SCN8A: variants seen among roughly 807,000 people sequenced by gnomAD.
The protein encoded by SCN8A is sodium voltage-gated channel alpha subunit 8.
SCN8A carries 30 observed loss-of-function variants against 184.1 expected under a neutral mutation model. The ratio of observed to expected loss-of-function variants is 0.16; its 90% CI spans 0.12 to 0.22. The LOEUF (loss-of-function observed/expected upper bound fraction) is 0.22. Among genes scored for constraint, SCN8A ranks in the 10% least tolerant of loss-of-function variants. SCN8A has a pLI of 1.00. For synonymous variants in SCN8A, 852 were observed against 907.0 expected, an observed-to-expected ratio of 0.94 and a Z score of 1.09; for missense variants, 1,057 against 2,498.9, an observed-to-expected ratio of 0.42 and a Z score of 12.30.
intron 1 of SCN8A, among the ~76,000 whole-genome samples, chr12:51,599,229 T>C (rs1377316979): frequency 6.6e-6 from 1 of 152,198 alleles, no homozygotes; most frequent in Non-Finnish European, 1.5e-5. Flanking sequence ...ATTTATTTTG[T>C]GAAATAAGTC....
At chr12:51,763,223 AAAG>A (rs553133651) in intron 15 of SCN8A, among the ~76,000 whole-genome samples, 152 of 152,324 alleles carry the variant, frequency 1.0e-3, no homozygotes, top group African/African-American at 3.5e-3. Flanking sequence ...ATTCTGCAAA[AAAG>A]CAGTGCACGT....
intron 1 of SCN8A, among the ~76,000 whole-genome samples, chr12:51,653,897 T>C (rs1002043798): frequency 6.6e-6 from 1 of 152,244 alleles, no homozygotes; most frequent in Non-Finnish European, 1.5e-5. Context: ...GACATCCTAA[T>C]GGGTATGAAG....
chr12:51,731,982 A>G (rs1942250728), intron 12 of SCN8A, among the ~76,000 whole-genome samples: 1 of 152,154 alleles, frequency 6.6e-6, no homozygotes, highest in African/African-American at 2.4e-5. Context: ...CTCTTGTCAG[A>G]TGGATAGTTT....
chr12:51,655,522 C>T (rs1475190475), intron 1 of SCN8A, among the ~76,000 whole-genome samples: 2 of 151,976 alleles, frequency 1.3e-5, no homozygotes, highest in Non-Finnish European at 2.9e-5. Context: ...GCTGGGACCA[C>T]CAGGGGGACC....
rs370074236 is a variant in SCN8A, at chr12:51,721,627, C to T, written c.1717C>T (p.Arg573Trp). The stretch of plus-strand genomic sequence containing the variant: ...CATCTTCAGTTTCAGGGGACCTGGG[C>T]GGTTCCGAGACCCGGGCTCCGAGAA... ...SSIFSFRGPG[R>W]FRDPGSENEF... Residue 573 changes from arginine to tryptophan, a missense_variant, in exon 12 of 27, where the codon CGG (arginine) becomes TGG (tryptophan). Physicochemically the swap from Arg to Trp is moderately radical, Grantham distance 101. This residue lies in a region of SCN8A where 322 missense variants were observed against 390.1 expected (regional missense o/e 0.83). Coordinates refer to ENST00000627620, the MANE Select transcript of SCN8A (RefSeq NM_001330260.2). 22 of 1,612,720 alleles carry T rather than the reference C, an allele frequency of 1.4e-5. No homozygotes were observed. The South Asian group carries it at 2.0e-4, about 15-fold the overall frequency.
chr12:51,768,727 T>A, intron 16 of SCN8A, 138 bp from the exon 17 acceptor site: 1 of 641,656 alleles, frequency 1.6e-6, no homozygotes, highest in Non-Finnish European at 2.5e-6. Context: ...AGCATTAAAA[T>A]ACTACGTGGG....
intron 14 of SCN8A, among the ~76,000 whole-genome samples, chr12:51,761,465 A>T (rs1158355259): frequency 3.4e-5 from 5 of 147,924 alleles, no homozygotes; most frequent in Admixed American, 6.7e-5. Context: ...TTATTTATTT[A>T]TTATTATTTA....
At chr12:51,734,499 C>T (rs142506986) in intron 12 of SCN8A, among the ~76,000 whole-genome samples, 15 of 152,366 alleles carry the variant, frequency 9.8e-5, no homozygotes, top group African/African-American at 2.2e-4. Context: ...AGACACAGAT[C>T]GCTCATGCTA....
At chr12:51,652,330 C>T (rs1940734130) in intron 1 of SCN8A, among the ~76,000 whole-genome samples, 1 of 152,150 alleles carries the variant, frequency 6.6e-6, no homozygotes, top group Non-Finnish European at 1.5e-5. Flanking sequence ...GCTGTCATCT[C>T]TCAGTGGAAT....
chr12:51,804,769 C>T (rs906508049), intron 26 of SCN8A, among the ~76,000 whole-genome samples: 11 of 152,202 alleles, frequency 7.2e-5, no homozygotes, highest in African/African-American at 2.2e-4. Context: ...GCCATTGCGC[C>T]CAGCCTGATA....
chr12:51,656,146 A>G (rs1214988870), intron 1 of SCN8A, among the ~76,000 whole-genome samples: 1 of 152,232 alleles, frequency 6.6e-6, no homozygotes, highest in East Asian at 1.9e-4. Flanking sequence ...TAGGTAAGAA[A>G]GAAAGATGTC....
In SCN8A at chr12:51,794,388, C is replaced by G. The variant is rs370105734; in HGVS notation, c.4542C>G (p.Ile1514Met). 5 of 1,609,986 alleles carry G rather than the reference C, an allele frequency of 3.1e-6. No homozygotes were observed. In the South Asian group the frequency reaches 3.3e-5, roughly 11 times the overall value. Residue 1514 changes from isoleucine (I) to methionine (M), a missense_variant, in exon 26 of 27, where the codon ATC (isoleucine) becomes ATG (methionine). Transcript: ENST00000627620. Reference sequence around the variant, plus strand: ...CTCCCCAGAACAAAATCCAAGGAATCGTCTTTGATTTTGTCACTCAGCAAG... The same window carrying G: ...CTCCCCAGAACAAAATCCAAGGAATGGTCTTTGATTTTGTCACTCAGCAAG... The part of the protein sequence containing the change: ...IPRPLNKIQG[I>M]VFDFVTQQAF...
At chr12:51,623,924 T>C (rs984568913) in intron 1 of SCN8A, among the ~76,000 whole-genome samples, 4 of 152,212 alleles carry the variant, frequency 2.6e-5, no homozygotes, top group African/African-American at 9.7e-5. Context: ...TTCATCCATG[T>C]CCCTACAAAG....
chr12:51,644,458 T>C (rs894219962), intron 1 of SCN8A, among the ~76,000 whole-genome samples: 1 of 152,204 alleles, frequency 6.6e-6, no homozygotes, highest in African/African-American at 2.4e-5. Context: ...GTCTAGCAGG[T>C]AGTTAGTGGT....
chr12:51,669,890 C>T (rs373179237), intron 2 of SCN8A, among the ~76,000 whole-genome samples: 4 of 152,186 alleles, frequency 2.6e-5, no homozygotes, highest in Admixed American at 6.5e-5. Flanking sequence ...GAGACCATTA[C>T]GGAAGGATTT....
intron 1 of SCN8A, among the ~76,000 whole-genome samples, chr12:51,639,329 GACA>G (rs1397519713): frequency 2.6e-5 from 4 of 152,186 alleles, no homozygotes; most frequent in East Asian, 1.9e-4. Flanking sequence ...TTGTTGAAAT[GACA>G]ACAATATATT....
chr12:51,772,171 G>A (rs1333367388), intron 19 of SCN8A, among the ~76,000 whole-genome samples: 3 of 152,092 alleles, frequency 2.0e-5, no homozygotes, highest in Admixed American at 6.5e-5. Context: ...CAAGACGTGC[G>A]GATCACCTGA....
At chr12:51,606,563 C>G (rs928233703) in intron 1 of SCN8A, among the ~76,000 whole-genome samples, 1 of 152,128 alleles carries the variant, frequency 6.6e-6, no homozygotes, top group Non-Finnish European at 1.5e-5. Context: ...CTTGCTTTGG[C>G]TATGTGGGCT....
chr12:51,720,534 A>C (rs1942036190), intron 11 of SCN8A, among the ~76,000 whole-genome samples: 1 of 151,994 alleles, frequency 6.6e-6, no homozygotes, highest in Non-Finnish European at 1.5e-5. Flanking sequence ...CAGCACACCA[A>C]CATGGCACAT....
Sources: gnomAD v4.1 joint callset for allele counts (sites outside exome capture counted in the v4.1 genomes callset) on GRCh38, gnomAD v4.1.1 for gene constraint, gnomAD v4.1.1 regional missense constraint, MANE v1.5 for transcripts, NCBI Gene and HGNC (gene_info 2026-07-23, HGNC 2026-07-21) for gene names.